The following FERMT1 variants were observed in gnomAD, a reference collection of about 807,000 sequenced individuals.
The protein encoded by FERMT1 is FERM domain containing kindlin 1.
Under a neutral mutation model 85.3 loss-of-function variants are expected in FERMT1, and 60 were observed. The ratio of observed to expected loss-of-function variants is 0.70; its 90% CI spans 0.57 to 0.87. The LOEUF (loss-of-function observed/expected upper bound fraction) is 0.87. Ranked by LOEUF, FERMT1 falls within the 40% of genes least tolerant of loss-of-function variation. FERMT1 has a pLI of 0.00. For synonymous variants in FERMT1, 275 were observed against 301.1 expected (o/e 0.91, Z 0.90); for missense variants, 701 against 818.9 (o/e 0.86, Z 1.76).
At chr20:6,097,144 A>T (rs891055290) in intron 7 of FERMT1, 111 bp from the exon 8 acceptor site, 1 of 1,081,218 alleles carries the variant, frequency 9.2e-7, no homozygotes, top group African/African-American at 1.6e-5. Context: ...AATACTGAAC[A>T]TCTCCTAAAC....
At chr20:6,117,921 C>T (rs1297130800) in intron 2 of FERMT1, among the ~76,000 whole-genome samples, 1 of 152,242 alleles carries the variant, frequency 6.6e-6, no homozygotes, top group African/African-American at 2.4e-5. Context: ...CTCAGCCTCC[C>T]AAAGTGCTGG....
chr20:6,082,173 A>T (rs1201994925), intron 13 of FERMT1, among the ~76,000 whole-genome samples: 1 of 152,174 alleles, frequency 6.6e-6, no homozygotes, highest in Non-Finnish European at 1.5e-5. Flanking sequence ...GGTGTTAGAG[A>T]TAGAGGGAGG....
At chr20:6,108,977 G>A (rs1431687854) in intron 5 of FERMT1, among the ~76,000 whole-genome samples, 2 of 152,164 alleles carry the variant, frequency 1.3e-5, no homozygotes, top group East Asian at 3.8e-4. Context: ...TATCTGTGCT[G>A]TCTGATGCAT....
At chr20:6,114,921 G>T (rs112434790) in intron 3 of FERMT1, among the ~76,000 whole-genome samples, 53 of 106,972 alleles carry the variant, frequency 5.0e-4, no homozygotes, top group African/African-American at 1.4e-3. Context: ...TTATTGGTTA[G>T]TGTCTGTCTC....
rs748240859 is a variant in FERMT1, at chr20:6,110,367, TG to T, written c.676del (p.Gln226SerfsTer26). ...CSILAFSQPP[Q>X]SPEALADMYQ... ...CATATCCGCAAGTGCTTCTGGGGAC[TG>T]GGGGGGTTGGCTGAATGCGAGGATG... On this transcript the variant is annotated frameshift_variant, in exon 5 of 15. Transcript: ENST00000217289. LOFTEE classifies it high-confidence loss of function. The T allele has an allele frequency of 2.5e-6, 4 of 1,613,616 alleles. No homozygotes were observed. The African/African-American group carries it at 5.3e-5, about 22-fold the overall frequency.
chr20:6,092,355 C>G (rs956763713), intron 9 of FERMT1, among the ~76,000 whole-genome samples: 6 of 152,050 alleles, frequency 3.9e-5, no homozygotes. Context: ...CCAGCTTGGG[C>G]AACATGGTGA....
chr20:6,101,815 G>A (rs1041756784), intron 6 of FERMT1, among the ~76,000 whole-genome samples: 6 of 151,780 alleles, frequency 4.0e-5, no homozygotes, highest in African/African-American at 9.7e-5. Context: ...TCCATGCTCC[G>A]CTAATTTTTT....
intron 9 of FERMT1, 139 bp downstream of exon 9, chr20:6,094,800 T>C (rs1982457975): frequency 2.9e-6 from 2 of 688,740 alleles, no homozygotes; most frequent in Admixed American, 4.1e-5. Flanking sequence ...ACTCAACCCA[T>C]TGTTTGTCTG....
chr20:6,108,626 A>C (rs149279987), intron 5 of FERMT1, among the ~76,000 whole-genome samples: 15 of 152,214 alleles, frequency 9.9e-5, no homozygotes, highest in Non-Finnish European at 2.2e-4. Context: ...CCTGGGCAAC[A>C]TGGTGAAACC....
chr20:6,111,082 A>T (rs1024242890), intron 4 of FERMT1, among the ~76,000 whole-genome samples: 2 of 152,204 alleles, frequency 1.3e-5, no homozygotes, highest in Non-Finnish European at 2.9e-5. Flanking sequence ...AATTACAGGC[A>T]TGAGCCACCA....
At chr20:6,078,787 G>A (rs745681211) in intron 14 of FERMT1, among the ~76,000 whole-genome samples, 2 of 152,098 alleles carry the variant, frequency 1.3e-5, no homozygotes, top group Non-Finnish European at 2.9e-5. Context: ...GCGGCAGGAT[G>A]CTAAGCTGCC....
intron 9 of FERMT1, among the ~76,000 whole-genome samples, chr20:6,090,984 T>C (rs1982339692): frequency 6.6e-6 from 1 of 151,602 alleles, no homozygotes; most frequent in Non-Finnish European, 1.5e-5. Flanking sequence ...GCCAACATGG[T>C]GAAACCCTGG....
At chr20:6,082,366 C>T (rs930113768) in intron 13 of FERMT1, among the ~76,000 whole-genome samples, 2 of 152,152 alleles carry the variant, frequency 1.3e-5, no homozygotes, top group African/African-American at 4.8e-5. Flanking sequence ...GCAAAAATGC[C>T]CGGGTCACAG....
chr20:6,092,560 T>C (rs948680152), intron 9 of FERMT1, among the ~76,000 whole-genome samples: 1 of 151,990 alleles, frequency 6.6e-6, no homozygotes, highest in Non-Finnish European at 1.5e-5. Flanking sequence ...AAAAATTATA[T>C]CTACATCTGT....
intron 4 of FERMT1, 90 bp from the exon 5 acceptor site, chr20:6,110,601 G>A: frequency 9.3e-7 from 1 of 1,074,682 alleles, no homozygotes; most frequent in Non-Finnish European, 1.4e-6. Flanking sequence ...ACTAAAATGA[G>A]TTTTGACTTT....
At chr20:6,097,813 T>C (rs1324113741) in intron 6 of FERMT1, among the ~76,000 whole-genome samples, 182 bp from the exon 7 acceptor site, 1 of 152,034 alleles carries the variant, frequency 6.6e-6, no homozygotes, top group African/African-American at 2.4e-5. Flanking sequence ...GTTTTTTTTT[T>C]TTTAATTTTT....
At chr20:6,109,676 G>T (rs1982890735) in intron 5 of FERMT1, among the ~76,000 whole-genome samples, 1 of 152,102 alleles carries the variant, frequency 6.6e-6, no homozygotes, top group Non-Finnish European at 1.5e-5. Context: ...AAGGTGGGCA[G>T]ATTACCTGAG....
chr20:6,102,679 G>GAA lies in FERMT1; in HGVS notation c.849+4851_849+4852dup, dbSNP rs769578429. 5.6e-4 allele frequency among the ~76,000 whole-genome samples: 28 copies of GAA among 50,408 alleles called. 2 individuals carry two copies. The highest frequency in any genetic ancestry group is 0.02 in the Middle Eastern group (2 of 98). 33.1% of individuals were successfully genotyped at this position (50,408 alleles called of 152,430 possible). A position where few individuals can be genotyped will look rare whatever the true frequency, so the allele number is the denominator to read the frequency against. The stretch of plus-strand genomic sequence containing the variant: ...GTGACAGAGTGAAACTGTGTCTCAA[G>GAA]AAAAAAAAAAAAAAAAAAAAAAGAA... On this transcript the variant is annotated intron_variant, in intron 6 of 14. Coordinates refer to ENST00000217289, the MANE Select transcript of FERMT1 (RefSeq NM_017671.5).
At position 6,084,471 on chromosome 20, in the gene FERMT1, T is replaced by C. The variant is rs6053894; in HGVS notation, c.1594-307A>G. Among the ~76,000 whole-genome samples the C allele has an allele frequency of 5.6e-3, 857 of 152,340 alleles. 6 individuals carry two copies. The highest frequency in any genetic ancestry group is 0.019 in the African/African-American group (798 of 41,582). On this transcript the variant is annotated intron_variant, in intron 12 of 14. Coordinates refer to ENST00000217289, the MANE Select transcript of FERMT1 (RefSeq NM_017671.5). ...ATGATTCTACATGAATCAGCTCATC[T>C]GTGCAACTTTTAACCCACTCCTATA...
Sources: allele counts gnomAD v4.1 joint callset (sites outside exome capture counted in the v4.1 genomes callset), GRCh38; gene constraint gnomAD v4.1.1; transcripts MANE v1.5; gene names NCBI Gene and HGNC (gene_info 2026-07-23, HGNC 2026-07-21).